The following DAB1 variants were observed in gnomAD, a reference collection of about 807,000 sequenced individuals.
The protein encoded by DAB1 is disabled homolog 1.
A neutral mutation model predicts 64.6 loss-of-function variants in DAB1; 15 were observed. The observed-to-expected ratio is 0.23, with a 90% CI of 0.16 to 0.36. DAB1 has a LOEUF of 0.36. DAB1 is among the 10% of genes least tolerant of loss of function. The pLI is 1.00. For synonymous variants in DAB1, 235 were observed against 251.9 expected (o/e 0.93, Z 0.64); for missense variants, 596 against 706.7 (o/e 0.84, Z 1.78).
chr1:57,049,372 A>T (rs1648919367), intron 9 of DAB1, among the ~76,000 whole-genome samples: 1 of 142,290 alleles, frequency 7.0e-6, no homozygotes, highest in East Asian at 2.2e-4. Context: ...AATGGCATGA[A>T]CCCGGGAGGC....
intron 2 of DAB1, among the ~76,000 whole-genome samples, chr1:57,247,194 T>C (rs986314920): frequency 6.6e-5 from 10 of 152,182 alleles, no homozygotes; most frequent in Non-Finnish European, 4.4e-5. Context: ...TCAAATCTCA[T>C]GTCAAATTGT....
chr1:57,183,552 T>C (rs1663211584), intron 2 of DAB1, among the ~76,000 whole-genome samples: 1 of 152,132 alleles, frequency 6.6e-6, no homozygotes, highest in African/African-American at 2.4e-5. Context: ...TTCCTGGGCA[T>C]GTTGATCCTT....
At chr1:57,863,305 G>C (rs1036533746) in intron 1 of DAB1, 7 of 152,034 alleles carry the variant, frequency 4.6e-5, no homozygotes, top group African/African-American at 1.7e-4. Flanking sequence ...AGATTATAAA[G>C]GAACATAAGA....
At chr1:57,304,899 C>T (rs1006617961) in intron 1 of DAB1, among the ~76,000 whole-genome samples, 4 of 152,232 alleles carry the variant, frequency 2.6e-5, no homozygotes, top group East Asian at 3.9e-4. Flanking sequence ...GGCTCTAGTT[C>T]GGCAAATCTC....
chr1:57,488,408 A>G (rs1025919983), intron 7 of DAB1, among the ~76,000 whole-genome samples: 4 of 151,332 alleles, frequency 2.6e-5, no homozygotes, highest in African/African-American at 9.7e-5. Context: ...TCTCAAAAAA[A>G]AAAAAAAAAA....
chr1:57,913,379 T>C (rs1175416923), intron 5 of DAB1, among the ~76,000 whole-genome samples: 7 of 152,204 alleles, frequency 4.6e-5, no homozygotes, highest in South Asian at 2.1e-4. Flanking sequence ...GCTGGGAAAA[T>C]TGGCTAGCCA....
At chr1:58,274,614 G>A (rs551737413) in intron 4 of DAB1, among the ~76,000 whole-genome samples, 7 of 151,538 alleles carry the variant, frequency 4.6e-5, no homozygotes, top group African/African-American at 1.7e-4. Flanking sequence ...CCTCGCTGCC[G>A]CCTTGCAGTT....
At chr1:57,879,552 T>C (rs1185732516) in intron 1 of DAB1, among the ~76,000 whole-genome samples, 1 of 152,188 alleles carries the variant, frequency 6.6e-6, no homozygotes, top group African/African-American at 2.4e-5. Context: ...ACTTTGTGTA[T>C]CTAGCCATTA....
At chr1:57,839,879 G>A (rs852788) in intron 1 of DAB1, among the ~76,000 whole-genome samples, 32,466 of 152,100 alleles carry the variant, frequency 0.21, 4,279 homozygotes, top group Non-Finnish European at 0.29. Context: ...TCTGTGTAAG[G>A]TTAAGGGGAC....
chr1:57,517,387 A>G (rs1384777419), intron 7 of DAB1, among the ~76,000 whole-genome samples: 1 of 152,116 alleles, frequency 6.6e-6, no homozygotes, highest in Non-Finnish European at 1.5e-5. Flanking sequence ...TCTCTACCTG[A>G]GAGCAAAGGT....
At chr1:57,672,900 T>C (rs1174667714) in intron 6 of DAB1, among the ~76,000 whole-genome samples, 1 of 152,200 alleles carries the variant, frequency 6.6e-6, no homozygotes. Flanking sequence ...GGCAAAGATG[T>C]GAAGACTTAA....
At chr1:58,067,636 T>A (rs568074593) in intron 5 of DAB1, among the ~76,000 whole-genome samples, 2 of 152,254 alleles carry the variant, frequency 1.3e-5, no homozygotes, top group Non-Finnish European at 2.9e-5. Context: ...AATCTATCTA[T>A]ATTATTTTGT....
chr1:58,015,150 G>C (rs550692166), intron 5 of DAB1, among the ~76,000 whole-genome samples: 98 of 152,296 alleles, frequency 6.4e-4, no homozygotes, highest in African/African-American at 2.3e-3. Flanking sequence ...GAGTCCATGG[G>C]CCTGAGATGG....
At chr1:58,415,149 C>T (rs61780369) in intron 3 of DAB1, among the ~76,000 whole-genome samples, 4,189 of 151,890 alleles carry the variant, frequency 0.028, 78 homozygotes, top group South Asian at 0.045. Context: ...AGATCTGTCC[C>T]CCTCTCTCTC....
chr1:57,303,642 C>A (rs77818575), intron 1 of DAB1, among the ~76,000 whole-genome samples: 2,198 of 151,788 alleles, frequency 0.014, 60 homozygotes, highest in African/African-American at 0.05. Flanking sequence ...TGAGCACTAG[C>A]AGAAGCCACT....
chr1:58,488,338 T>C (rs1234288701), intron 3 of DAB1, among the ~76,000 whole-genome samples: 1 of 152,232 alleles, frequency 6.6e-6, no homozygotes, highest in Non-Finnish European at 1.5e-5. Context: ...TTATTTATTA[T>C]TTCAATAGGT....
At chr1:57,748,905 G>T (rs533348640) in intron 6 of DAB1, among the ~76,000 whole-genome samples, 9 of 152,206 alleles carry the variant, frequency 5.9e-5, no homozygotes, top group Non-Finnish European at 8.8e-5. Context: ...GATGAAAAGG[G>T]CAAATCTTTT....
chr1:57,086,117 AAGGCC>A (rs1200597687), intron 4 of DAB1, among the ~76,000 whole-genome samples: 2 of 152,108 alleles, frequency 1.3e-5, no homozygotes, highest in African/African-American at 4.8e-5. Context: ...CAGAATTTTG[AAGGCC>A]AGTTTAAAAA....
intron 6 of DAB1, among the ~76,000 whole-genome samples, chr1:57,817,119 A>ATAAG (rs3081058): frequency 6.6e-6 from 1 of 151,922 alleles, no homozygotes; most frequent in African/African-American, 2.4e-5. Flanking sequence ...GACTGAATGA[A>ATAAG]GAGAGGTGAA....
Sources: gnomAD v4.1 joint callset for allele counts (sites outside exome capture counted in the v4.1 genomes callset) on GRCh38, gnomAD v4.1.1 for gene constraint, MANE v1.5 for transcripts, NCBI Gene and HGNC (gene_info 2026-07-23, HGNC 2026-07-21) for gene names.